Variants in MACROD2 observed in about 807,000 individuals in gnomAD.
MACROD2 encodes mono-ADP ribosylhydrolase 2.
MACROD2 carries 36 observed loss-of-function variants against 70.4 expected under a neutral mutation model. The observed-to-expected ratio is 0.51, with a 90% confidence interval of 0.39 to 0.68. The LOEUF is 0.68. Ranked by LOEUF, MACROD2 falls within the 30% of genes least tolerant of loss-of-function variation. The pLI, the probability that MACROD2 is intolerant of heterozygous loss-of-function variation, is 0.00. For synonymous variants in MACROD2, 172 were observed against 178.8 expected, an observed-to-expected ratio of 0.96 and a Z score of 0.30; for missense variants, 496 against 538.4, an observed-to-expected ratio of 0.92 and a Z score of 0.78.
At chr20:15,902,624 C>T (rs1387494865) in intron 10 of MACROD2, among the ~76,000 whole-genome samples, 4 of 152,050 alleles carry the variant, frequency 2.6e-5, no homozygotes, top group Non-Finnish European at 5.9e-5. Flanking sequence ...ACCTTGCGCC[C>T]TCTCGGATCA....
chr20:14,433,378 C>G (rs1474732741), intron 3 of MACROD2, among the ~76,000 whole-genome samples: 1 of 152,016 alleles, frequency 6.6e-6, no homozygotes, highest in Non-Finnish European at 1.5e-5. Flanking sequence ...GAAATGCAAG[C>G]CTTTTTATTT....
At chr20:15,607,919 A>G (rs1384089430) in intron 8 of MACROD2, among the ~76,000 whole-genome samples, 1 of 152,232 alleles carries the variant, frequency 6.6e-6, no homozygotes, top group African/African-American at 2.4e-5. Context: ...GCTAACTAAA[A>G]TCAATATCCA....
rs559456590 is a variant in MACROD2, at chr20:15,807,632, A to G, written c.646-55113A>G. 5.9e-5 allele frequency among the ~76,000 whole-genome samples: 9 copies of G among 152,292 alleles called. No homozygotes were observed. The East Asian group carries it at 1.2e-3, about 20-fold the overall frequency. Reference sequence around the variant, plus strand: ...AAAGAAGGTAAATTAGCTCATTAATAATTTTTTATATTGATTGTAAGTTGA... The same window carrying G: ...AAAGAAGGTAAATTAGCTCATTAATGATTTTTTATATTGATTGTAAGTTGA... On this transcript the variant is annotated intron_variant, in intron 8 of 17. Transcript: ENST00000684519.
At chr20:14,963,660 A>G (rs2074604660) in intron 5 of MACROD2, among the ~76,000 whole-genome samples, 1 of 152,206 alleles carries the variant, frequency 6.6e-6, no homozygotes, top group Non-Finnish European at 1.5e-5. Context: ...AAATGCCATG[A>G]CAAGCTCAGG....
chr20:14,264,398 G>A (rs543501062), intron 3 of MACROD2, among the ~76,000 whole-genome samples: 3 of 152,288 alleles, frequency 2.0e-5, no homozygotes, highest in South Asian at 2.1e-4. Flanking sequence ...GGTGATTTCT[G>A]TGTTGCAGAG....
At chr20:15,039,295 T>G (rs547932562) in intron 5 of MACROD2, among the ~76,000 whole-genome samples, 85 of 152,324 alleles carry the variant, frequency 5.6e-4, no homozygotes, top group Non-Finnish European at 1.0e-3. Context: ...TGTGTAGCAT[T>G]CCTTTGCCCT....
At chr20:14,369,278 G>C (rs1234613551) in intron 3 of MACROD2, among the ~76,000 whole-genome samples, 2 of 123,640 alleles carry the variant, frequency 1.6e-5, no homozygotes, top group Admixed American at 8.3e-5. Flanking sequence ...TTCCCATACA[G>C]GTTATAGCAA....
intron 3 of MACROD2, among the ~76,000 whole-genome samples, chr20:14,442,913 A>T (rs1390271726): frequency 6.6e-6 from 1 of 152,032 alleles, no homozygotes; most frequent in East Asian, 1.9e-4. Context: ...CGTCTCTACT[A>T]AAAATACAAA....
chr20:15,288,102 A>G (rs2146101461), intron 6 of MACROD2, among the ~76,000 whole-genome samples: 1 of 152,328 alleles, frequency 6.6e-6, no homozygotes, highest in East Asian at 1.9e-4. Flanking sequence ...TGTATCAGTC[A>G]AGGCTTTTTC....
intron 3 of MACROD2, among the ~76,000 whole-genome samples, chr20:14,206,179 G>A (rs2081521589): frequency 6.6e-6 from 1 of 152,176 alleles, no homozygotes; most frequent in Admixed American, 6.5e-5. Context: ...CAATACATAG[G>A]ATGGCCCCTC....
At chr20:15,915,809 G>T (rs1344898246) in intron 10 of MACROD2, among the ~76,000 whole-genome samples, 1 of 152,104 alleles carries the variant, frequency 6.6e-6, no homozygotes, top group Non-Finnish European at 1.5e-5. Flanking sequence ...GTACAGAGGG[G>T]AGGCAGAGAG....
At chr20:15,828,204 T>C (rs1390451206) in intron 8 of MACROD2, among the ~76,000 whole-genome samples, 1 of 152,194 alleles carries the variant, frequency 6.6e-6, no homozygotes, top group Non-Finnish European at 1.5e-5. Flanking sequence ...CCACAATGTA[T>C]ACATATATCA....
At chr20:15,578,809 G>C (rs570517440) in intron 8 of MACROD2, among the ~76,000 whole-genome samples, 5 of 152,196 alleles carry the variant, frequency 3.3e-5, no homozygotes, top group African/African-American at 9.6e-5. Context: ...TTATGTTTCA[G>C]TGAAAAGCTA....
chr20:14,180,077 T>C (rs2081293919), intron 3 of MACROD2, among the ~76,000 whole-genome samples: 1 of 152,192 alleles, frequency 6.6e-6, no homozygotes, highest in South Asian at 2.1e-4. Context: ...AATAACTTTC[T>C]ATTACCCCTT....
intron 8 of MACROD2, among the ~76,000 whole-genome samples, chr20:15,841,305 G>A (rs1403027215): frequency 6.6e-6 from 1 of 152,188 alleles, no homozygotes; most frequent in African/African-American, 2.4e-5. Flanking sequence ...GGGTGGTCCA[G>A]GATGGGGGGG....
intron 5 of MACROD2, among the ~76,000 whole-genome samples, chr20:14,999,274 G>A (rs555915922): frequency 6.5e-4 from 99 of 152,274 alleles, no homozygotes; most frequent in Middle Eastern, 3.4e-3. Flanking sequence ...GTAATGGTGT[G>A]TAAACTACTC....
At chr20:14,229,545 A>C (rs1351462903) in intron 3 of MACROD2, among the ~76,000 whole-genome samples, 1 of 152,150 alleles carries the variant, frequency 6.6e-6, no homozygotes, top group Non-Finnish European at 1.5e-5. Flanking sequence ...TAAACCCAAA[A>C]CTCTGATAAC....
At chr20:15,328,389 A>G (rs2077955352) in intron 6 of MACROD2, among the ~76,000 whole-genome samples, 1 of 152,130 alleles carries the variant, frequency 6.6e-6, no homozygotes, top group Non-Finnish European at 1.5e-5. Context: ...GAAACAAAGC[A>G]GTTTTAGCAT....
intron 8 of MACROD2, among the ~76,000 whole-genome samples, chr20:15,854,931 A>C (rs1179960546): frequency 6.6e-6 from 1 of 151,970 alleles, no homozygotes; most frequent in East Asian, 1.9e-4. Flanking sequence ...ATCCCATCCA[A>C]CCCTGCACTG....
Sources: allele counts gnomAD v4.1 joint callset (sites outside exome capture counted in the v4.1 genomes callset), GRCh38; gene constraint gnomAD v4.1.1; transcripts MANE v1.5; gene names NCBI Gene and HGNC (gene_info 2026-07-23, HGNC 2026-07-21).